CSNK1G3: variants seen among roughly 807,000 people sequenced by gnomAD.
CSNK1G3 encodes the protein casein kinase 1 gamma 3.
In CSNK1G3, 23 loss-of-function variants were observed where a neutral mutation model predicts 64.3. The ratio of observed to expected loss-of-function variants is 0.36; its 90% confidence interval spans 0.26 to 0.51. The LOEUF (loss-of-function observed/expected upper bound fraction) is 0.51, where lower values mean the gene tolerates loss of function less well. Ranked by LOEUF, CSNK1G3 falls within the 20% of genes least tolerant of loss-of-function variation. The probability of loss-of-function intolerance (pLI) is 0.96; values close to 1 mark genes in which losing one functional copy is unlikely to be tolerated. For synonymous variants in CSNK1G3, 158 were observed against 162.2 expected, an observed-to-expected ratio of 0.97 and a Z score of 0.20; for missense variants, 357 against 510.5, an observed-to-expected ratio of 0.70 and a Z score of 2.90.
Position 123,588,059 on chromosome 5 carries a change from G to T in CSNK1G3, c.674-9G>T. 6.6e-7 allele frequency: 1 copy of T among 1,512,750 alleles called. No homozygotes were observed. Among genetic ancestry groups the T allele is most frequent in the South Asian group, 1.2e-5 (1 of 81,232 alleles). 93.7% of individuals were successfully genotyped at this position (1,512,750 alleles called of 1,614,324 possible). On this transcript the variant is annotated splice_polypyrimidine_tract_variant and intron_variant, in intron 6 of 12. Coordinates refer to ENST00000345990, the Ensembl canonical transcript of CSNK1G3. ...GAAAAGTGAAATTTATATTTCTTTT[G>T]TATTTCAGAACAAAGTAGAAGAGAC...
At chr5:123,543,197 T>C (rs1166113010) in intron 1 of CSNK1G3, among the ~76,000 whole-genome samples, 1 of 152,164 alleles carries the variant, frequency 6.6e-6, no homozygotes, top group Non-Finnish European at 1.5e-5. Context: ...ATGCAGTTAA[T>C]GTGCTCAGAG....
At chr5:123,588,616 AGCT>A in intron 8 of CSNK1G3, 105 bp downstream of exon 8, 2 of 751,310 alleles carry the variant, frequency 2.7e-6, no homozygotes, top group Non-Finnish European at 4.4e-6. Context: ...AAAAAAAAAG[AGCT>A]AAAAATATGA....
chr5:123,591,323 C>T, exon 10 of CSNK1G3: 3 of 1,597,606 alleles, frequency 1.9e-6, no homozygotes, highest in Non-Finnish European at 2.6e-6. Flanking sequence ...TTGTAGCCTA[C>T]TCCAGTGGGT....
intron 1 of CSNK1G3, among the ~76,000 whole-genome samples, chr5:123,536,519 C>T (rs1404277829): frequency 1.3e-5 from 2 of 148,394 alleles, no homozygotes; most frequent in African/African-American, 5.0e-5. Context: ...CTATAGTTAA[C>T]AGTAATGCAT....
In CSNK1G3 at chr5:123,543,137, T is replaced by C. The variant is rs552301562; in HGVS notation, c.-247-2280T>C. On this transcript the variant is annotated intron_variant, in intron 1 of 12. Transcript: ENST00000345990. ...GTCATGGATATTGGAAATTCTGTGTTGTTGAGAGTCTGGCTTTTTGTCTTT... is the reference window on the plus strand; with the variant it reads ...GTCATGGATATTGGAAATTCTGTGTCGTTGAGAGTCTGGCTTTTTGTCTTT... Among the ~76,000 whole-genome samples the C allele has an allele frequency of 6.1e-4, 93 of 152,220 alleles. 1 individual carries two copies. The highest frequency in any genetic ancestry group is 9.9e-4 in the Non-Finnish European group (67 of 68,012).
At position 123,536,544 on chromosome 5, in the gene CSNK1G3, A is replaced by G. The variant is rs191302590; in HGVS notation, c.-247-8873A>G. ...CAGTAATGCATAGTTTCAAATAGCT[A>G]GAAGGAGTATATTGAATGTTCCCAA... On this transcript the variant is annotated intron_variant, in intron 1 of 12. Coordinates refer to ENST00000345990, the Ensembl canonical transcript of CSNK1G3. Among the ~76,000 whole-genome samples, 6 of 152,032 alleles carry G rather than the reference A, an allele frequency of 3.9e-5. No individual in the cohort carries two copies. In the East Asian group the frequency reaches 9.6e-4, roughly 24 times the overall value.
chr5:123,522,882 G>T (rs572844168), intron 1 of CSNK1G3, among the ~76,000 whole-genome samples: 1 of 152,180 alleles, frequency 6.6e-6, no homozygotes, highest in African/African-American at 2.4e-5. Flanking sequence ...CAAAGTTAGA[G>T]GATTTCTGAA....
chr5:123,573,622 C>T (rs1286547330), intron 5 of CSNK1G3, 81 bp downstream of exon 5: 1 of 1,278,852 alleles, frequency 7.8e-7, no homozygotes, highest in African/African-American at 1.5e-5. Context: ...GTTTAAAGTT[C>T]TGTGATATTG....
chr5:123,595,007 C>T, intron 10 of CSNK1G3, 32 bp from the exon 11 acceptor site: 1 of 1,579,448 alleles, frequency 6.3e-7, no homozygotes, highest in Non-Finnish European at 8.7e-7. Context: ...TTTCTTCTTC[C>T]ATGCATGCCA....
At chr5:123,574,994 CAT>C (rs1430840963) in intron 5 of CSNK1G3, among the ~76,000 whole-genome samples, 1 of 152,028 alleles carries the variant, frequency 6.6e-6, no homozygotes, top group Non-Finnish European at 1.5e-5. Context: ...CCTGTGTAGC[CAT>C]ATGTTTACAT....
At position 123,565,914 on chromosome 5, in the gene CSNK1G3, G is replaced by A. The variant is rs145962063; in HGVS notation, c.290-7479G>A. The stretch of plus-strand genomic sequence containing the variant: ...CATTGACCCAGTTAACTCCCATCAG[G>A]CCCCACCTTCAACACTGAGGATTAT... On this transcript the variant is annotated intron_variant, in intron 4 of 12. Transcript: ENST00000345990. 3.8e-3 allele frequency among the ~76,000 whole-genome samples: 581 copies of A among 152,218 alleles called. 3 individuals carry two copies. The highest frequency in any genetic ancestry group is 0.013 in the African/African-American group (535 of 41,518).
At chr5:123,536,896 TC>T (rs1780926895) in intron 1 of CSNK1G3, among the ~76,000 whole-genome samples, 1 of 152,056 alleles carries the variant, frequency 6.6e-6, no homozygotes, top group Admixed American at 6.6e-5. Context: ...ATATCATCTT[TC>T]TTCAATCATA....
chr5:123,519,844 C>G (rs1777780207), intron 1 of CSNK1G3, among the ~76,000 whole-genome samples: 2 of 152,168 alleles, frequency 1.3e-5, no homozygotes, highest in Admixed American at 1.3e-4. Context: ...ATCCTAATTA[C>G]TAGTGGAGTG....
intron 10 of CSNK1G3, among the ~76,000 whole-genome samples, chr5:123,601,475 T>C (rs1050782655): frequency 6.6e-6 from 1 of 152,050 alleles, no homozygotes; most frequent in Admixed American, 6.6e-5. Flanking sequence ...CCTGGAAAAA[T>C]TACATTAAAG....
At chr5:123,583,301 T>G (rs887721431) in intron 6 of CSNK1G3, among the ~76,000 whole-genome samples, 1 of 130,390 alleles carries the variant, frequency 7.7e-6, no homozygotes, top group Non-Finnish European at 1.7e-5. Flanking sequence ...AATGCTGTTG[T>G]AAAGGTATTG....
At chr5:123,543,280 A>G (rs1272503333) in intron 1 of CSNK1G3, among the ~76,000 whole-genome samples, 1 of 152,040 alleles carries the variant, frequency 6.6e-6, no homozygotes, top group Non-Finnish European at 1.5e-5. Flanking sequence ...TATGTCGGGT[A>G]TGGTCCTTAC....
chr5:123,593,202 T>TACACACACACAC (rs1554081831), intron 10 of CSNK1G3, among the ~76,000 whole-genome samples: 6 of 146,930 alleles, frequency 4.1e-5, no homozygotes, highest in African/African-American at 1.5e-4. Context: ...TGTGTATATA[T>TACACACACACAC]ACACACACAC....
chr5:123,578,628 GTTTT>G (rs1267500020), intron 6 of CSNK1G3, among the ~76,000 whole-genome samples: 5 of 151,736 alleles, frequency 3.3e-5, no homozygotes, highest in Admixed American at 6.6e-5. Flanking sequence ...TAGTTTATCA[GTTTT>G]TTTGTTTATG....
intron 1 of CSNK1G3, among the ~76,000 whole-genome samples, chr5:123,541,556 G>A (rs915183623): frequency 1.3e-5 from 2 of 152,090 alleles, no homozygotes; most frequent in East Asian, 1.9e-4. Flanking sequence ...AGCCTCCCAA[G>A]TAGCTGGGAC....
Sources: gnomAD v4.1 joint callset for allele counts (sites outside exome capture counted in the v4.1 genomes callset) on GRCh38, gnomAD v4.1.1 for gene constraint, MANE v1.5 for transcripts, NCBI Gene and HGNC (gene_info 2026-07-23, HGNC 2026-07-21) for gene names.